Variants in FRMPD1 observed in about 807,000 individuals in gnomAD.
FRMPD1 encodes the protein FERM and PDZ domain containing 1.
In FRMPD1, 76 loss-of-function variants were observed where a neutral mutation model predicts 117.8. The ratio of observed to expected loss-of-function variants is 0.65; its 90% CI spans 0.54 to 0.78. The LOEUF (loss-of-function observed/expected upper bound fraction) is 0.78, where lower values mean the gene tolerates loss of function less well. Among genes scored for constraint, FRMPD1 ranks in the 30% least tolerant of loss-of-function variants. The probability of loss-of-function intolerance (pLI) is 0.00; values close to 1 mark genes in which losing one functional copy is unlikely to be tolerated. For missense variants in FRMPD1, 1,786 were observed against 1,964.5 expected, an observed-to-expected ratio of 0.91 and a Z score of 1.72; for synonymous variants, 783 against 770.4, an observed-to-expected ratio of 1.02 and a Z score of -0.27.
intron 1 of FRMPD1, among the ~76,000 whole-genome samples, chr9:37,657,967 C>A (rs1820888814): frequency 6.6e-6 from 1 of 152,028 alleles, no homozygotes; most frequent in African/African-American, 2.4e-5. Context: ...AGCCAAAAAT[C>A]TTCCTCTCGG....
chr9:37,617,340 G>A, the FRMPD1 span, among the ~76,000 whole-genome samples: 3 of 152,234 alleles, frequency 2.0e-5, no homozygotes, highest in Non-Finnish European at 4.4e-5. Flanking sequence ...ACCTCAGAGA[G>A]CGTTGCATTC....
intron 5 of FRMPD1, among the ~76,000 whole-genome samples, chr9:37,713,673 G>T (rs945798505): frequency 6.6e-6 from 1 of 151,670 alleles, no homozygotes. Flanking sequence ...ACTATATATA[G>T]TGTGTGTGTG....
intron 1 of FRMPD1, among the ~76,000 whole-genome samples, chr9:37,692,320 A>G (rs1169171725): frequency 6.6e-6 from 1 of 152,200 alleles, no homozygotes; most frequent in Non-Finnish European, 1.5e-5. Context: ...GGACGGTGTC[A>G]CATGGTAAGG....
At chr9:37,647,895 T>C (rs897188105), upstream of FRMPD1, among the ~76,000 whole-genome samples, 1 of 152,210 alleles carries the variant, frequency 6.6e-6, no homozygotes, top group African/African-American at 2.4e-5. Context: ...TTATGTAAAG[T>C]ATTTAGCAGT....
the FRMPD1 span, among the ~76,000 whole-genome samples, chr9:37,640,057 GTCAC>G: frequency 0.15 from 22,493 of 152,052 alleles, 1,808 homozygotes; most frequent in African/African-American, 0.2. Context: ...GCATAGCTCT[GTCAC>G]TCACTTACCT....
chr9:37,693,564 C>T (rs1476483377), intron 2 of FRMPD1, among the ~76,000 whole-genome samples: 1 of 152,200 alleles, frequency 6.6e-6, no homozygotes, highest in African/African-American at 2.4e-5. Context: ...ACAGATGAAA[C>T]ACCTAAGGCT....
intron 7 of FRMPD1, chr9:37,727,867 T>C (rs1347500024): frequency 6.6e-6 from 1 of 152,090 alleles, no homozygotes; most frequent in Non-Finnish European, 1.5e-5. Flanking sequence ...GAGCACCTGA[T>C]GGTGCGAGAC....
At chr9:37,627,683 G>A in the FRMPD1 span, among the ~76,000 whole-genome samples, 90,336 of 152,024 alleles carry the variant, frequency 0.59, 27,894 homozygotes, top group Non-Finnish European at 0.68. Context: ...TTTGTTGCCC[G>A]GGCTATACTT....
At chr9:37,612,026 C>A in the FRMPD1 span, among the ~76,000 whole-genome samples, 16 of 152,300 alleles carry the variant, frequency 1.1e-4, no homozygotes, top group Non-Finnish European at 5.9e-5. Flanking sequence ...TTCCTCCACT[C>A]AGGTCCCAGC....
chr9:37,635,212 T>C, the FRMPD1 span, among the ~76,000 whole-genome samples: 3 of 152,216 alleles, frequency 2.0e-5, no homozygotes, highest in African/African-American at 7.2e-5. Context: ...GCCTCTCTTT[T>C]AACCTTGCAC....
intron 1 of FRMPD1, among the ~76,000 whole-genome samples, chr9:37,670,356 TG>T (rs1821309981): frequency 6.6e-6 from 1 of 152,136 alleles, no homozygotes; most frequent in South Asian, 2.1e-4. Context: ...GTAAAATGGT[TG>T]TGGAAGCCTA....
chr9:37,666,192 G>T (rs1821154649), intron 1 of FRMPD1, among the ~76,000 whole-genome samples: 1 of 152,044 alleles, frequency 6.6e-6, no homozygotes, highest in African/African-American at 2.4e-5. Flanking sequence ...AAGAAAATGG[G>T]GGCATTTTTT....
Position 37,740,683 on chromosome 9 carries a change from C to T in FRMPD1, c.2155C>T (p.Leu719=), listed in dbSNP as rs1008114942. The T allele has an allele frequency of 8.1e-6, 13 of 1,614,042 alleles. No individual in the cohort carries two copies. Among genetic ancestry groups the T allele is most frequent in the African/African-American group, 2.7e-5 (2 of 74,938 alleles). The change falls in exon 15 of 16, where the codon CTG becomes TTG. Residue 719 remains leucine, a synonymous_variant. Transcript: ENST00000377765. The surrounding 1 kb of genome is among the most constrained non-coding windows in gnomAD (Gnocchi z 4.2). ...LCSSVSPASY[L]SDSSESTASR... is the part of the protein sequence containing the mutation. The stretch of plus-strand genomic sequence containing the variant: ...TTCCAGTGTCTCCCCGGCCAGCTAC[C>T]TGAGTGACAGTTCCGAGAGTACAGC...
intron 2 of FRMPD1, among the ~76,000 whole-genome samples, chr9:37,700,972 A>G (rs1822508958): frequency 6.6e-6 from 1 of 152,218 alleles, no homozygotes; most frequent in Non-Finnish European, 1.5e-5. Context: ...TACTGTCAAT[A>G]TTAAATGTTC....
rs1824383357 is a variant in FRMPD1 at position 37,740,975 on chromosome 9, G to C, written c.2356+91G>C. 2 of 948,012 alleles carry C rather than the reference G, an allele frequency of 2.1e-6. No homozygotes were observed. The highest frequency in any genetic ancestry group is 1.7e-6 in the Non-Finnish European group (1 of 589,228). The allele number at this position is 948,012 out of a possible 1,614,324, so 58.7% of individuals were successfully genotyped here. A position where few individuals can be genotyped will look rare whatever the true frequency, so the allele number is the denominator to read the frequency against. ...GCCTGGGGCCAAGCTTGAGAGGAAG[G>C]CACATGAGTGAAACAGGGTCCCTGT... On this transcript the variant is annotated intron_variant, in intron 15 of 15. Transcript: ENST00000377765. This position sits in a 1 kb window ranked among gnomAD's most constrained non-coding sequence, Gnocchi z 4.2.
At chr9:37,691,688 G>A (rs1201841721) in intron 1 of FRMPD1, among the ~76,000 whole-genome samples, 1 of 152,196 alleles carries the variant, frequency 6.6e-6, no homozygotes, top group Admixed American at 6.5e-5. Flanking sequence ...CAGATCACTT[G>A]AGGTCAGGCG....
Position 37,745,156 on chromosome 9 carries a change from C to T in FRMPD1, c.3124C>T (p.Leu1042=), listed in dbSNP as rs1563966443. 1 of 1,614,072 alleles carries T rather than the reference C, an allele frequency of 6.2e-7. No homozygotes were observed. Residue 1042 remains leucine, a synonymous_variant, in exon 16 of 16, where the codon CTA becomes TTA. Transcript: ENST00000377765. ...AAATAATGTCTCTCAAGGAGACACA[C>T]TAGAGCTCCAGTTGGAGCCCCATGT... The part of the protein sequence containing the change: ...GLNNVSQGDT[L]ELQLEPHVQL...
rs34040451 is a variant in FRMPD1, at chr9:37,678,251, C to CTTTTTTTTTT, written c.-4-14368_-4-14359dup. ...CTCTTTTCCCCTCTAGTACTTACCA[C>CTTTTTTTTTT]TTTTTTTTTTTTTTTTTTTTTTTTT... On this transcript the variant is annotated intron_variant, in intron 1 of 15. Coordinates refer to ENST00000377765, the MANE Select transcript of FRMPD1 (RefSeq NM_014907.3). Among the ~76,000 whole-genome samples, 214 of 79,834 alleles carry CTTTTTTTTTT rather than the reference C, an allele frequency of 2.7e-3. 19 individuals are homozygous for CTTTTTTTTTT. The highest frequency in any genetic ancestry group is 9.3e-3 in the Middle Eastern group (1 of 108). The allele number at this position is 79,834 out of a possible 152,430, so 52.4% of individuals were successfully genotyped here.
chr9:37,638,023 T>C, the FRMPD1 span, among the ~76,000 whole-genome samples: 2 of 87,410 alleles, frequency 2.3e-5, no homozygotes, highest in Non-Finnish European at 4.7e-5. Context: ...TTTCTTTCTT[T>C]CTCTCTCTTT....
Sources: allele counts gnomAD v4.1 joint callset (sites outside exome capture counted in the v4.1 genomes callset), GRCh38; gene constraint gnomAD v4.1.1; non-coding constraint Gnocchi (gnomAD v3.1); transcripts MANE v1.5; gene names NCBI Gene and HGNC (gene_info 2026-07-23, HGNC 2026-07-21).